Variants in NECAB1 observed in about 807,000 individuals in gnomAD.
NECAB1 encodes N-terminal EF-hand calcium-binding protein 1.
In NECAB1, 29 loss-of-function variants were observed where a neutral mutation model predicts 57.5. That is an observed-to-expected ratio of 0.50 (90% confidence interval 0.38 to 0.69). The LOEUF (loss-of-function observed/expected upper bound fraction) is 0.69, where lower values mean the gene tolerates loss of function less well. Ranked by LOEUF, NECAB1 falls within the 30% of genes least tolerant of loss-of-function variation. The pLI is 0.00. For missense variants in NECAB1, 372 were observed against 413.8 expected, an observed-to-expected ratio of 0.90 and a Z score of 0.88; for synonymous variants, 142 against 147.7, an observed-to-expected ratio of 0.96 and a Z score of 0.28.
intron 10 of NECAB1, among the ~76,000 whole-genome samples, chr8:90,944,006 C>A (rs1049486030): frequency 6.6e-6 from 1 of 152,186 alleles, no homozygotes; most frequent in African/African-American, 2.4e-5. Flanking sequence ...CTTGCCTTGG[C>A]CTCCAAAAGT....
intron 4 of NECAB1, among the ~76,000 whole-genome samples, chr8:90,875,594 G>A (rs1190555): frequency 8.0e-5 from 12 of 149,760 alleles, no homozygotes; most frequent in Middle Eastern, 3.5e-3. Context: ...CTTTCTGTAA[G>A]AAAGCTTTGT....
rs539700189 is a variant in NECAB1 at position 90,908,991 on chromosome 8, A to T, written c.358-8501A>T. Among the ~76,000 whole-genome samples the T allele has an allele frequency of 1.8e-3, 271 of 152,230 alleles. 2 individuals are homozygous for T. The highest frequency in any genetic ancestry group is 6.0e-3 in the African/African-American group (248 of 41,554). ...TATATATTTTTACAGTTTATCCGTT[A>T]CAGAGCCCAGAGAGGTGCTTATGCT... On this transcript the variant is annotated intron_variant, in intron 5 of 12. Transcript: ENST00000417640.
intron 3 of NECAB1, among the ~76,000 whole-genome samples, chr8:90,840,777 C>T (rs553769129): frequency 6.6e-6 from 1 of 152,074 alleles, no homozygotes; most frequent in Admixed American, 6.5e-5. Flanking sequence ...GGGTTCACAA[C>T]GGGAAAATTG....
intron 5 of NECAB1, among the ~76,000 whole-genome samples, chr8:90,904,335 A>T (rs113420793): frequency 0.031 from 4,779 of 152,012 alleles, 234 homozygotes; most frequent in African/African-American, 0.11. Context: ...CATCAGCTAA[A>T]TAATAAGTAT....
rs186592379 is a variant in NECAB1, at chr8:90,807,632, G to C, written c.124+5917G>C. Among the ~76,000 whole-genome samples the C allele has an allele frequency of 4.2e-4, 64 of 152,230 alleles. 2 individuals are homozygous for C. The East Asian group carries it at 9.5e-3, about 22-fold the overall frequency. On this transcript the variant is annotated intron_variant, in intron 2 of 12. Coordinates refer to ENST00000417640, the MANE Select transcript of NECAB1 (RefSeq NM_022351.5). The stretch of plus-strand genomic sequence containing the variant: ...CTCCAGGTAAAATGTAAAGATTAAG[G>C]GCCGGGCCCTAGAAATGAGGGACAT...
At chr8:90,912,518 T>G (rs1263913748) in intron 5 of NECAB1, among the ~76,000 whole-genome samples, 1 of 152,198 alleles carries the variant, frequency 6.6e-6, no homozygotes, top group East Asian at 1.9e-4. Context: ...AATTATAATT[T>G]TGTCTCCTCG....
chr8:90,906,903 A>ATGTATGTATG (rs1563528359), intron 5 of NECAB1, among the ~76,000 whole-genome samples: 9 of 141,518 alleles, frequency 6.4e-5, no homozygotes, highest in Admixed American at 2.1e-4. Context: ...ATATATATAT[A>ATGTATGTATG]TATATATCTT....
chr8:90,851,633 G>A (rs555174021), intron 3 of NECAB1, among the ~76,000 whole-genome samples: 2 of 152,230 alleles, frequency 1.3e-5, no homozygotes, highest in African/African-American at 4.8e-5. Flanking sequence ...TTTTAGAGCA[G>A]GTTTAGGTTC....
chr8:90,868,260 C>T (rs1466242794), intron 3 of NECAB1, among the ~76,000 whole-genome samples: 1 of 151,742 alleles, frequency 6.6e-6, no homozygotes, highest in Non-Finnish European at 1.5e-5. Context: ...TTATAGCAAT[C>T]CCAGAATGGA....
intron 5 of NECAB1, among the ~76,000 whole-genome samples, chr8:90,895,277 A>G (rs932793836): frequency 2.0e-5 from 3 of 152,230 alleles, no homozygotes. Flanking sequence ...TGGAAGCACA[A>G]AGGAGGTATG....
intron 3 of NECAB1, among the ~76,000 whole-genome samples, chr8:90,860,522 T>C (rs1006553678): frequency 2.6e-5 from 4 of 152,184 alleles, no homozygotes; most frequent in Non-Finnish European, 4.4e-5. Flanking sequence ...ACAAATGCTG[T>C]AGAACCTGAG....
chr8:90,827,670 A>C (rs1273616341), intron 3 of NECAB1, among the ~76,000 whole-genome samples: 1 of 152,030 alleles, frequency 6.6e-6, no homozygotes, highest in Non-Finnish European at 1.5e-5. Flanking sequence ...GAAAATAATA[A>C]GAACATATCT....
At chr8:90,832,612 A>G (rs1812312733) in intron 3 of NECAB1, among the ~76,000 whole-genome samples, 1 of 152,158 alleles carries the variant, frequency 6.6e-6, no homozygotes, top group African/African-American at 2.4e-5. Flanking sequence ...TTCTAATTGA[A>G]TAGGAAAATG....
intron 8 of NECAB1, among the ~76,000 whole-genome samples, chr8:90,930,598 T>C (rs149272395): frequency 1.3e-5 from 2 of 152,292 alleles, no homozygotes; most frequent in Non-Finnish European, 2.9e-5. Context: ...GGAGATTCTG[T>C]GCAAGAGCCA....
At chr8:90,865,363 A>G (rs1808493743) in intron 3 of NECAB1, among the ~76,000 whole-genome samples, 1 of 152,102 alleles carries the variant, frequency 6.6e-6, no homozygotes, top group South Asian at 2.1e-4. Flanking sequence ...CTGGACTCCT[A>G]TAGACTCCTG....
chr8:90,808,788 G>T (rs1811902317), intron 2 of NECAB1, among the ~76,000 whole-genome samples: 1 of 151,780 alleles, frequency 6.6e-6, no homozygotes, highest in Non-Finnish European at 1.5e-5. Context: ...TGGGACTACA[G>T]GTGCGTGCCA....
chr8:90,898,754 A>C (rs1449234449), intron 5 of NECAB1, among the ~76,000 whole-genome samples: 1 of 152,240 alleles, frequency 6.6e-6, no homozygotes, highest in Non-Finnish European at 1.5e-5. Context: ...TTAGTCTTTT[A>C]GCCCAACTGC....
intron 4 of NECAB1, among the ~76,000 whole-genome samples, chr8:90,875,844 C>CAAAA (rs5893141): frequency 0.018 from 1,621 of 88,376 alleles, 88 homozygotes; most frequent in African/African-American, 0.069. Flanking sequence ...ACTAAAAATA[C>CAAAA]AAAAAAAAAA....
At chr8:90,906,355 T>G (rs1476251419) in intron 5 of NECAB1, among the ~76,000 whole-genome samples, 1 of 152,154 alleles carries the variant, frequency 6.6e-6, no homozygotes, top group Non-Finnish European at 1.5e-5. Flanking sequence ...TTTGTCATCT[T>G]CCTTTGTTCA....
Sources: allele counts gnomAD v4.1 joint callset (sites outside exome capture counted in the v4.1 genomes callset), GRCh38; gene constraint gnomAD v4.1.1; transcripts MANE v1.5; gene names NCBI Gene and HGNC (gene_info 2026-07-23, HGNC 2026-07-21).